Variants in ZNF385D observed in about 807,000 individuals in gnomAD.
ZNF385D encodes the protein zinc finger protein 385D, also known as zinc finger protein 659.
ZNF385D carries 15 observed loss-of-function variants against 35.8 expected under a neutral mutation model. That is an observed-to-expected ratio of 0.42 (90% CI 0.28 to 0.64). ZNF385D has a LOEUF of 0.64. Among genes scored for constraint, ZNF385D ranks in the 30% least tolerant of loss-of-function variants. The pLI is 0.23. For missense variants in ZNF385D, 474 were observed against 494.6 expected, an observed-to-expected ratio of 0.96 and a Z score of 0.39; for synonymous variants, 212 against 186.8, an observed-to-expected ratio of 1.13 and a Z score of -1.10.
At chr3:22,282,025 T>C (rs1393463043) in intron 2 of ZNF385D, among the ~76,000 whole-genome samples, 1 of 152,092 alleles carries the variant, frequency 6.6e-6, no homozygotes, top group African/African-American at 2.4e-5. Flanking sequence ...TTTTCTAGTT[T>C]ATGCGTGTAA....
chr3:21,817,195 A>T (rs541393684), intron 3 of ZNF385D, among the ~76,000 whole-genome samples: 1 of 152,346 alleles, frequency 6.6e-6, no homozygotes, highest in South Asian at 2.1e-4. Flanking sequence ...AAGATGGATT[A>T]AAGACTTAAA....
intron 2 of ZNF385D, among the ~76,000 whole-genome samples, chr3:22,346,548 A>G (rs1260445433): frequency 6.6e-6 from 1 of 152,252 alleles, no homozygotes; most frequent in Admixed American, 6.5e-5. Flanking sequence ...GAAGAAAACT[A>G]AAGTTTAATG....
chr3:21,831,994 C>A (rs552981356), intron 3 of ZNF385D, among the ~76,000 whole-genome samples: 2 of 152,242 alleles, frequency 1.3e-5, no homozygotes, highest in East Asian at 3.9e-4. Context: ...TGCACTATCC[C>A]TTTAATTAGC....
At chr3:22,179,002 T>A (rs1297615457) in intron 2 of ZNF385D, among the ~76,000 whole-genome samples, 2 of 152,160 alleles carry the variant, frequency 1.3e-5, no homozygotes. Context: ...GTAGTATAGT[T>A]TGAAGTCAGG....
At position 21,792,022 on chromosome 3, in the gene ZNF385D, T is replaced by G. The variant is rs1050304711; in HGVS notation, c.326-126994A>C. Reference sequence around the variant, plus strand: ...TGCTGGGATTCCAGGCGTGAGCCACTGTGCCCGGCCCTAATCATTTTTATA... The same window carrying G: ...TGCTGGGATTCCAGGCGTGAGCCACGGTGCCCGGCCCTAATCATTTTTATA... On this transcript the variant is annotated intron_variant, in intron 3 of 5. Transcript: ENST00000494108. Among the ~76,000 whole-genome samples, 36 of 152,330 alleles carry G rather than the reference T, an allele frequency of 2.4e-4. 1 individual carries two copies. The highest frequency in any genetic ancestry group is 2.0e-3 in the Admixed American group (31 of 15,302).
chr3:22,318,735 C>A (rs1704037493), intron 2 of ZNF385D, among the ~76,000 whole-genome samples: 1 of 152,016 alleles, frequency 6.6e-6, no homozygotes, highest in African/African-American at 2.4e-5. Flanking sequence ...TTTAAAGAAA[C>A]AACCCAGAGT....
At chr3:22,256,542 G>A (rs891960681) in intron 2 of ZNF385D, among the ~76,000 whole-genome samples, 10 of 151,826 alleles carry the variant, frequency 6.6e-5, no homozygotes, top group African/African-American at 2.2e-4. Context: ...TGGAATCTAT[G>A]TGGGTATAAG....
At chr3:21,830,817 T>C (rs1694945418) in intron 3 of ZNF385D, among the ~76,000 whole-genome samples, 1 of 152,216 alleles carries the variant, frequency 6.6e-6, no homozygotes. Context: ...TGTCCATGTT[T>C]GCCATTGCCT....
chr3:22,117,440 G>C (rs868454079), intron 3 of ZNF385D, among the ~76,000 whole-genome samples: 2 of 151,994 alleles, frequency 1.3e-5, no homozygotes, highest in African/African-American at 4.8e-5. Flanking sequence ...TTGAAATTAA[G>C]AACAGGCTTA....
chr3:21,747,645 C>G (rs929241380), intron 1 of ZNF385D, among the ~76,000 whole-genome samples: 2 of 152,162 alleles, frequency 1.3e-5, no homozygotes, highest in African/African-American at 4.8e-5. Flanking sequence ...GAGCTGGAGA[C>G]AGTGCACAGT....
intron 2 of ZNF385D, among the ~76,000 whole-genome samples, chr3:22,369,648 A>G (rs76359583): frequency 0.023 from 3,437 of 152,238 alleles, 129 homozygotes; most frequent in African/African-American, 0.078. Context: ...TAGCATCCCA[A>G]TGGGTTTATA....
rs541591827 is a variant in ZNF385D at position 21,958,878 on chromosome 3, G to GT, written c.325+209938_325+209939insA. On this transcript the variant is annotated intron_variant, in intron 3 of 5. Transcript: ENST00000494108. ...TTCATTACAAATAATTCAAGAAAAA[G>GT]AAATCATTGAAGATAAATGAAACAT... The GT allele has an allele frequency of 4.6e-5, 7 of 152,070 alleles. No individual in the cohort carries two copies. In the South Asian group the frequency reaches 1.5e-3, roughly 32 times the overall value. 9.4% of individuals were successfully genotyped at this position (152,070 alleles called of 1,614,324 possible). A position where few individuals can be genotyped will look rare whatever the true frequency, so the allele number is the denominator to read the frequency against.
At chr3:22,243,127 T>C (rs1228523509) in intron 2 of ZNF385D, among the ~76,000 whole-genome samples, 2 of 150,800 alleles carry the variant, frequency 1.3e-5, no homozygotes, top group Non-Finnish European at 2.9e-5. Flanking sequence ...AAATCATATA[T>C]GTGGTAAGGG....
intron 1 of ZNF385D, among the ~76,000 whole-genome samples, chr3:21,735,092 G>C (rs1000597386): frequency 2.0e-5 from 3 of 152,148 alleles, no homozygotes; most frequent in Non-Finnish European, 4.4e-5. Flanking sequence ...CGAGTGCAGA[G>C]ATCTACCCAC....
chr3:21,567,260 T>G (rs1182759599), intron 2 of ZNF385D, among the ~76,000 whole-genome samples: 1 of 152,198 alleles, frequency 6.6e-6, no homozygotes, highest in Non-Finnish European at 1.5e-5. Flanking sequence ...TTACAGTATC[T>G]CTTCCTTAGG....
intron 2 of ZNF385D, among the ~76,000 whole-genome samples, chr3:22,278,085 A>G (rs985997353): frequency 3.9e-5 from 6 of 151,922 alleles, no homozygotes; most frequent in African/African-American, 1.5e-4. Flanking sequence ...CTTTAATGAC[A>G]TTTTCTACAC....
At chr3:22,147,356 G>A (rs538239967) in intron 3 of ZNF385D, among the ~76,000 whole-genome samples, 1 of 152,118 alleles carries the variant, frequency 6.6e-6, no homozygotes, top group Non-Finnish European at 1.5e-5. Context: ...GCTTTTCAGA[G>A]CAGTACATAT....
intron 3 of ZNF385D, among the ~76,000 whole-genome samples, chr3:21,887,764 A>G (rs912306718): frequency 6.6e-6 from 1 of 152,158 alleles, no homozygotes. Context: ...AGTCTTAAAT[A>G]ATACACAGAA....
chr3:21,666,623 A>T (rs1472510968), intron 1 of ZNF385D, among the ~76,000 whole-genome samples: 2 of 152,204 alleles, frequency 1.3e-5, no homozygotes, highest in Admixed American at 6.5e-5. Context: ...TTTATTGTCC[A>T]CTTGGTAGTG....
Sources: allele counts gnomAD v4.1 joint callset (sites outside exome capture counted in the v4.1 genomes callset), GRCh38; gene constraint gnomAD v4.1.1; transcripts MANE v1.5; gene names NCBI Gene and HGNC (gene_info 2026-07-23, HGNC 2026-07-21).